Variants in PACS2 observed in about 807,000 individuals in gnomAD.
The protein encoded by PACS2 is phosphofurin acidic cluster sorting protein 2, also known as PACS1-like protein.
Under a neutral mutation model 113.0 loss-of-function variants are expected in PACS2, and 36 were observed. The ratio of observed to expected loss-of-function variants is 0.32; its 90% CI spans 0.24 to 0.42. The LOEUF is 0.42. PACS2 is among the 10% of genes least tolerant of loss of function. The pLI is 1.00. For synonymous variants in PACS2, 589 were observed against 536.1 expected (o/e 1.10, Z -1.36); for missense variants, 1,015 against 1,239.5 (o/e 0.82, Z 2.72).
At chr14:105,302,009 G>A (rs1039052464) in intron 1 of PACS2, among the ~76,000 whole-genome samples, 16 of 151,980 alleles carry the variant, frequency 1.1e-4, no homozygotes, top group Non-Finnish European at 2.2e-4. Flanking sequence ...CTTGGTGGTG[G>A]GCGCCTGTAA....
In PACS2 at chr14:105,323,971, G is replaced by A. The variant is rs948011539; in HGVS notation, c.119+8934G>A. Among the ~76,000 whole-genome samples, 2 of 152,250 alleles carry A rather than the reference G, an allele frequency of 1.3e-5. No homozygotes were observed. Among genetic ancestry groups the A allele is most frequent in the African/African-American group, 4.8e-5 (2 of 41,466 alleles). ...GCTGTGCCCTGCTTTCAAGATGCCT[G>A]GAAACCTCTGGCAGCTCTGTCCTGC... On this transcript the variant is annotated intron_variant, in intron 1 of 24. Coordinates refer to ENST00000447393, the MANE Select transcript of PACS2 (RefSeq NM_001100913.3). The surrounding 1 kb of genome is among the most constrained non-coding windows in gnomAD (Gnocchi z 4.1).
At position 105,366,781 on chromosome 14, in the gene PACS2, G is replaced by A. The variant is rs1176089257; in HGVS notation, c.424-432G>A. Among the ~76,000 whole-genome samples the A allele has an allele frequency of 3.3e-5, 5 of 152,202 alleles. No homozygotes were observed. In the South Asian group the frequency reaches 8.3e-4, roughly 25 times the overall value. ...GCTGCTGCTGAGCTCTTGGGTGGGT[G>A]GAGGGTGGAGGCAGGGTTGGAGCAG... On this transcript the variant is annotated intron_variant, in intron 4 of 24. Coordinates refer to ENST00000447393, the MANE Select transcript of PACS2 (RefSeq NM_001100913.3). This position sits in a 1 kb window ranked among gnomAD's most constrained non-coding sequence, Gnocchi z 4.3.
rs587757511 is a variant in PACS2, at chr14:105,324,963, G to T, written c.119+9926G>T. Among the ~76,000 whole-genome samples the T allele has an allele frequency of 1.3e-5, 2 of 152,108 alleles. No individual in the cohort carries two copies. Among genetic ancestry groups the T allele is most frequent in the African/African-American group, 4.8e-5 (2 of 41,408 alleles). ...TGGGTCTGCCCTTCCTGCTGGGGGT[G>T]CACACGGGCCTGGGGCTGAGCAACC... is the stretch of plus-strand genomic sequence containing the variant. On this transcript the variant is annotated intron_variant, in intron 1 of 24. Coordinates refer to ENST00000447393, the MANE Select transcript of PACS2 (RefSeq NM_001100913.3). The surrounding 1 kb of genome is among the most constrained non-coding windows in gnomAD (Gnocchi z 4.7).
In PACS2 at chr14:105,358,548, C is replaced by T. The variant is rs140615172; in HGVS notation, c.423+3371C>T. 2.6e-5 allele frequency among the ~76,000 whole-genome samples: 4 copies of T among 152,318 alleles called. No homozygotes were observed. The highest frequency in any genetic ancestry group is 3.4e-3 in the Middle Eastern group (1 of 294). On this transcript the variant is annotated intron_variant, in intron 4 of 24. Coordinates refer to ENST00000447393, the MANE Select transcript of PACS2 (RefSeq NM_001100913.3). This position sits in a 1 kb window ranked among gnomAD's most constrained non-coding sequence, Gnocchi z 4.9. ...CACCCTGGGGCTGCAGCCTGGGAGA[C>T]GCAGGCATGCCAGCTGGTGGCCATT...
chr14:105,351,775 G>T (rs1013672451), intron 2 of PACS2, among the ~76,000 whole-genome samples: 3 of 152,150 alleles, frequency 2.0e-5, no homozygotes, highest in African/African-American at 7.2e-5. Flanking sequence ...AGCCTAGGAG[G>T]TCAAGGCTGT....
intron 2 of PACS2, among the ~76,000 whole-genome samples, chr14:105,351,506 T>G (rs2060179114): frequency 6.6e-6 from 1 of 152,192 alleles, no homozygotes; most frequent in African/African-American, 2.4e-5. Flanking sequence ...ATGTTTTACT[T>G]TCTGAGAGGA....
chr14:105,393,310 C>G lies in PACS2; in HGVS notation c.2571C>G (p.Ala857=), dbSNP rs1008643109. 3 of 1,611,204 alleles carry G rather than the reference C, an allele frequency of 1.9e-6. No homozygotes were observed. The highest frequency in any genetic ancestry group is 1.3e-5 in the African/African-American group (1 of 74,910). ...GCATCAGCCGGCTCATCTGCACTGCCAGGCAGCAGCAGAACATGCTGCGGG... is the reference window on the plus strand; with the variant it reads ...GCATCAGCCGGCTCATCTGCACTGCGAGGCAGCAGCAGAACATGCTGCGGG... ...IEGISRLICT[A]RQQQNMLRVL... Residue 857 remains alanine, a synonymous_variant, in exon 24 of 25, where the codon GCC becomes GCG. Coordinates refer to ENST00000447393, the MANE Select transcript of PACS2 (RefSeq NM_001100913.3).
intron 8 of PACS2, chr14:105,371,068 A>C (rs1055929723): frequency 6.6e-6 from 1 of 152,284 alleles, no homozygotes; most frequent in Admixed American, 6.5e-5. Flanking sequence ...TGTCAGGTCC[A>C]TGTGCCGAAA....
At chr14:105,391,488 C>T (rs913768586) in intron 21 of PACS2, 143 bp from the exon 22 acceptor site, 6 of 746,396 alleles carry the variant, frequency 8.0e-6, no homozygotes, top group Non-Finnish European at 1.1e-5. Flanking sequence ...GAGACCCTCC[C>T]GTCTCTCACA....
In PACS2 at chr14:105,323,157, T is replaced by G. The variant is rs760398060; in HGVS notation, c.119+8120T>G. Among the ~76,000 whole-genome samples, 7 of 152,216 alleles carry G rather than the reference T, an allele frequency of 4.6e-5. No individual in the cohort carries two copies. Among genetic ancestry groups the G allele is most frequent in the African/African-American group, 9.6e-5 (4 of 41,460 alleles). On this transcript the variant is annotated intron_variant, in intron 1 of 24. Transcript: ENST00000447393. This position sits in a 1 kb window ranked among gnomAD's most constrained non-coding sequence, Gnocchi z 4.1. ...TTGTGATTGCCTGAGTCGGGGTTACTAGACTTGCTGACTTTGTGGATCGAT... is the reference window on the plus strand; with the variant it reads ...TTGTGATTGCCTGAGTCGGGGTTACGAGACTTGCTGACTTTGTGGATCGAT...
intron 1 of PACS2, among the ~76,000 whole-genome samples, chr14:105,331,768 C>T (rs1205139334): frequency 6.6e-6 from 1 of 152,216 alleles, no homozygotes; most frequent in Non-Finnish European, 1.5e-5. Context: ...TTTGCTGCTA[C>T]TTTGCTCACC....
chr14:105,304,986 G>A (rs911513100), intron 1 of PACS2, among the ~76,000 whole-genome samples: 1 of 152,250 alleles, frequency 6.6e-6, no homozygotes, highest in Non-Finnish European at 1.5e-5. Flanking sequence ...CATATCATGT[G>A]TGTTCCCCCA....
rs782258399 is a variant in PACS2, at chr14:105,355,641, G to A, written c.423+464G>A. 2.0e-5 allele frequency among the ~76,000 whole-genome samples: 3 copies of A among 152,212 alleles called. No individual in the cohort carries two copies. The highest frequency in any genetic ancestry group is 2.9e-5 in the Non-Finnish European group (2 of 68,040). ...TGTGAAGGGGCTAGCGACAATACCC[G>A]AGCAGGGCGGGGGCAGCACCCAGAG... is the stretch of plus-strand genomic sequence containing the variant. On this transcript the variant is annotated intron_variant, in intron 4 of 24. Coordinates refer to ENST00000447393, the MANE Select transcript of PACS2 (RefSeq NM_001100913.3). This position sits in a 1 kb window ranked among gnomAD's most constrained non-coding sequence, Gnocchi z 4.1.
At chr14:105,342,367 A>C (rs2059764680) in intron 1 of PACS2, among the ~76,000 whole-genome samples, 1 of 151,944 alleles carries the variant, frequency 6.6e-6, no homozygotes, top group African/African-American at 2.4e-5. Flanking sequence ...TCCTGGGCTC[A>C]GGTGATCCTC....
chr14:105,390,182 G>A, intron 20 of PACS2, 179 bp downstream of exon 20: 3 of 679,750 alleles, frequency 4.4e-6, no homozygotes, highest in East Asian at 2.5e-5. Flanking sequence ...CTGGAGTGGG[G>A]TGTGGGGCCA....
chr14:105,353,589 TTTTC>T (rs1367990223), intron 3 of PACS2, among the ~76,000 whole-genome samples: 4 of 152,070 alleles, frequency 2.6e-5, no homozygotes, highest in Non-Finnish European at 5.9e-5. Context: ...TTTCTTTGTT[TTTTC>T]TTTGTTTTTT....
intron 13 of PACS2, 144 bp from the exon 14 acceptor site, chr14:105,382,333 T>A: frequency 1.4e-6 from 1 of 704,050 alleles, no homozygotes. Context: ...CCCAGGGCAG[T>A]TCTCCAAGCT....
At chr14:105,394,194 G>T in intron 24 of PACS2, 1 of 985,400 alleles carries the variant, frequency 1.0e-6, no homozygotes, top group Non-Finnish European at 1.2e-6. Flanking sequence ...TGTTTTAAGG[G>T]GGCTCCCACT....
chr14:105,312,341 A>G (rs1423101701), upstream of PACS2, among the ~76,000 whole-genome samples: 1 of 152,186 alleles, frequency 6.6e-6, no homozygotes, highest in Non-Finnish European at 1.5e-5. Flanking sequence ...TTAAATAATA[A>G]TAACTCCCAC....
Sources: gnomAD v4.1 joint callset for allele counts (sites outside exome capture counted in the v4.1 genomes callset) on GRCh38, gnomAD v4.1.1 for gene constraint, Gnocchi (gnomAD v3.1) non-coding constraint, MANE v1.5 for transcripts, NCBI Gene and HGNC (gene_info 2026-07-23, HGNC 2026-07-21) for gene names.